Variants in PTPRT observed in about 807,000 individuals in gnomAD.
PTPRT encodes receptor-type tyrosine-protein phosphatase T.
Under a neutral mutation model 176.8 loss-of-function variants are expected in PTPRT, and 56 were observed. That is an observed-to-expected ratio of 0.32 (90% confidence interval 0.26 to 0.40). The LOEUF (loss-of-function observed/expected upper bound fraction) is 0.40. PTPRT is among the 10% of genes least tolerant of loss of function. The probability of loss-of-function intolerance (pLI) is 1.00; values close to 1 mark genes in which losing one functional copy is unlikely to be tolerated. For synonymous variants in PTPRT, 783 were observed against 739.0 expected (o/e 1.06, Z -0.96); for missense variants, 1,540 against 1,908.2 (o/e 0.81, Z 3.60).
intron 2 of PTPRT, among the ~76,000 whole-genome samples, chr20:42,827,235 A>C (rs2078009895): frequency 6.6e-6 from 1 of 152,180 alleles, no homozygotes; most frequent in Non-Finnish European, 1.5e-5. Flanking sequence ...TCTCTACCCC[A>C]AAACAACAGA....
rs564115477 is a variant in PTPRT, at chr20:42,366,774, A to G, written c.1561-14489T>C. Among the ~76,000 whole-genome samples, 863 of 108,352 alleles carry G rather than the reference A, an allele frequency of 8.0e-3. 5 individuals are homozygous for G. The highest frequency in any genetic ancestry group is 0.014 in the Non-Finnish European group (631 of 46,036). 71.1% of individuals were successfully genotyped at this position (108,352 alleles called of 152,430 possible). ...TTCTAGTGGCTACACGGCACATGTG[A>G]GGAAGCTGATTGCGAAGGCTATAAA... On this transcript the variant is annotated intron_variant, in intron 9 of 30. Coordinates refer to ENST00000373187, the MANE Select transcript of PTPRT (RefSeq NM_007050.6).
chr20:42,096,688 A>G (rs1985269799), intron 27 of PTPRT, among the ~76,000 whole-genome samples: 1 of 152,066 alleles, frequency 6.6e-6, no homozygotes, highest in African/African-American at 2.4e-5. Flanking sequence ...TGCTCAAGCA[A>G]TCCTCCCGCC....
chr20:42,385,761 T>C (rs1180626730), intron 9 of PTPRT, among the ~76,000 whole-genome samples: 2 of 152,120 alleles, frequency 1.3e-5, no homozygotes, highest in Non-Finnish European at 2.9e-5. Context: ...GGAACTCCCA[T>C]TTATAAAACC....
chr20:43,126,871 C>A (rs1468360678), intron 1 of PTPRT, among the ~76,000 whole-genome samples: 1 of 152,156 alleles, frequency 6.6e-6, no homozygotes, highest in East Asian at 1.9e-4. Flanking sequence ...TAGAGTGCTT[C>A]TTCTCAACCT....
intron 1 of PTPRT, among the ~76,000 whole-genome samples, chr20:43,103,203 T>C (rs1045830268): frequency 7.9e-5 from 12 of 152,056 alleles, no homozygotes; most frequent in Non-Finnish European, 1.8e-4. Context: ...TGTCACCTGG[T>C]CCACCAGCCA....
Position 42,537,755 on chromosome 20 carries a change from G to A in PTPRT, c.1154-65193C>T, listed in dbSNP as rs148798665. 1.3e-4 allele frequency among the ~76,000 whole-genome samples: 20 copies of A among 152,278 alleles called. No individual in the cohort carries two copies. In the East Asian group the frequency reaches 3.7e-3, roughly 28 times the overall value. Reference sequence around the variant, plus strand: ...TGTTTTCATGGCATCACGGTCCAGCGAGAAAAGCAGACAGAGCAACATGTA... The same window carrying A: ...TGTTTTCATGGCATCACGGTCCAGCAAGAAAAGCAGACAGAGCAACATGTA... On this transcript the variant is annotated intron_variant, in intron 7 of 30. Transcript: ENST00000373187.
At chr20:42,735,085 G>A (rs1273526889) in intron 6 of PTPRT, among the ~76,000 whole-genome samples, 1 of 152,212 alleles carries the variant, frequency 6.6e-6, no homozygotes, top group East Asian at 1.9e-4. Context: ...GAAAATGTTA[G>A]TTATTATCAA....
intron 9 of PTPRT, among the ~76,000 whole-genome samples, chr20:42,389,782 G>A (rs2058781851): frequency 6.6e-6 from 1 of 150,908 alleles, no homozygotes; most frequent in Non-Finnish European, 1.5e-5. Context: ...TTGAGCCCAG[G>A]ATGCTGAGGC....
At chr20:42,660,805 CTA>C (rs2075209763) in intron 7 of PTPRT, among the ~76,000 whole-genome samples, 1 of 152,054 alleles carries the variant, frequency 6.6e-6, no homozygotes, top group South Asian at 2.1e-4. Flanking sequence ...AAGTAGACAA[CTA>C]TGAATTAGGG....
chr20:42,169,144 A>T (rs1271148135), intron 16 of PTPRT, among the ~76,000 whole-genome samples: 1 of 152,206 alleles, frequency 6.6e-6, no homozygotes, highest in African/African-American at 2.4e-5. Flanking sequence ...TATCAACCAT[A>T]TAGCAGGGTT....
chr20:43,028,534 T>A (rs762660180), intron 1 of PTPRT, among the ~76,000 whole-genome samples: 22 of 152,156 alleles, frequency 1.4e-4, no homozygotes, highest in Non-Finnish European at 2.5e-4. Context: ...AGATCCCCTT[T>A]TAAAATGACA....
intron 7 of PTPRT, among the ~76,000 whole-genome samples, chr20:42,585,268 A>T (rs1359357090): frequency 6.6e-6 from 1 of 152,206 alleles, no homozygotes. Flanking sequence ...AAATATTTGT[A>T]GAAAGAATGA....
chr20:43,138,660 G>A (rs2013909591), intron 1 of PTPRT, among the ~76,000 whole-genome samples: 1 of 152,166 alleles, frequency 6.6e-6, no homozygotes, highest in African/African-American at 2.4e-5. Flanking sequence ...CCCCTCACCT[G>A]TGACGGGGTC....
At chr20:42,795,151 A>C (rs181708135) in intron 2 of PTPRT, among the ~76,000 whole-genome samples, 37 of 151,122 alleles carry the variant, frequency 2.4e-4, no homozygotes, top group African/African-American at 8.5e-4. Flanking sequence ...AAGAAAGAGA[A>C]AGACTGTAAA....
At chr20:42,809,940 A>C (rs1480339369) in intron 2 of PTPRT, among the ~76,000 whole-genome samples, 4 of 152,016 alleles carry the variant, frequency 2.6e-5, no homozygotes, top group Admixed American at 6.5e-5. Context: ...CTACAACTAC[A>C]CTGGGTGACT....
chr20:42,764,520 T>C (rs1213584870), intron 5 of PTPRT, among the ~76,000 whole-genome samples: 1 of 152,132 alleles, frequency 6.6e-6, no homozygotes, highest in Admixed American at 6.5e-5. Flanking sequence ...GCCTCCTGTA[T>C]AGAAGGAAAG....
intron 15 of PTPRT, 97 bp downstream of exon 15, chr20:42,236,132 A>T: frequency 9.1e-7 from 1 of 1,092,930 alleles, no homozygotes; most frequent in Non-Finnish European, 1.3e-6. Context: ...CAGAAGTGAA[A>T]ATGAGAAACT....
At chr20:42,764,104 A>G (rs1046776217) in intron 5 of PTPRT, among the ~76,000 whole-genome samples, 4 of 152,210 alleles carry the variant, frequency 2.6e-5, no homozygotes, top group African/African-American at 9.7e-5. Context: ...AGTTATTGAT[A>G]GACAGTTTCA....
intron 1 of PTPRT, among the ~76,000 whole-genome samples, chr20:43,102,284 T>TCACACACA (rs57029983): frequency 0.19 from 27,201 of 140,334 alleles, 2,918 homozygotes; most frequent in Non-Finnish European, 0.25. Flanking sequence ...CACTCACACA[T>TCACACACA]CACACACACA....
Sources: gnomAD v4.1 joint callset for allele counts (sites outside exome capture counted in the v4.1 genomes callset) on GRCh38, gnomAD v4.1.1 for gene constraint, MANE v1.5 for transcripts, NCBI Gene and HGNC (gene_info 2026-07-23, HGNC 2026-07-21) for gene names.